The following SLC14A2 variants were observed in gnomAD, a reference collection of about 807,000 sequenced individuals.
The protein encoded by SLC14A2 is urea transporter 2.
Under a neutral mutation model 104.6 loss-of-function variants are expected in SLC14A2, and 91 were observed. That is an observed-to-expected ratio of 0.87 (90% CI 0.73 to 1.04). The LOEUF (loss-of-function observed/expected upper bound fraction) is 1.04, where lower values mean the gene tolerates loss of function less well. Ranked by LOEUF, SLC14A2 falls within the 50% of genes least tolerant of loss-of-function variation. The probability of loss-of-function intolerance (pLI) is 0.00; values close to 1 mark genes in which losing one functional copy is unlikely to be tolerated. For missense variants in SLC14A2, 1,189 were observed against 1,156.0 expected, an observed-to-expected ratio of 1.03 and a Z score of -0.41; for synonymous variants, 476 against 466.4, an observed-to-expected ratio of 1.02 and a Z score of -0.27.
intron 1 of SLC14A2, among the ~76,000 whole-genome samples, chr18:45,343,016 C>T (rs1241913815): frequency 6.6e-6 from 1 of 152,136 alleles, no homozygotes; most frequent in African/African-American, 2.4e-5. Context: ...TCTCCAAAAC[C>T]CTGATGAGTT....
chr18:45,435,953 G>C (rs191101383), intron 1 of SLC14A2, among the ~76,000 whole-genome samples: 2 of 152,186 alleles, frequency 1.3e-5, no homozygotes, highest in Non-Finnish European at 2.9e-5. Context: ...CAATCAAAGA[G>C]CACAGGACAG....
At position 45,380,797 on chromosome 18, in the gene SLC14A2, T is replaced by C. The variant is rs1163090748; in HGVS notation, c.-124-102436T>C. On this transcript the variant is annotated intron_variant, in intron 1 of 20. Transcript: ENST00000586448. Reference sequence around the variant, plus strand: ...TGCGAGTGCCAGACCAGCTTTTGGATATTAGAAGTTGCTCTTTTCTCTTTC... The same window carrying C: ...TGCGAGTGCCAGACCAGCTTTTGGACATTAGAAGTTGCTCTTTTCTCTTTC... Among the ~76,000 whole-genome samples, 3 of 152,224 alleles carry C rather than the reference T, an allele frequency of 2.0e-5. No individual in the cohort carries two copies. The East Asian group carries it at 5.8e-4, about 29-fold the overall frequency.
intron 1 of SLC14A2, among the ~76,000 whole-genome samples, chr18:45,478,598 A>G (rs2087430555): frequency 6.6e-6 from 1 of 152,152 alleles, no homozygotes; most frequent in Non-Finnish European, 1.5e-5. Context: ...ATTCTGGCTC[A>G]TATTTGACTG....
chr18:45,577,574 A>G (rs2044433783), intron 2 of SLC14A2, among the ~76,000 whole-genome samples: 1 of 152,124 alleles, frequency 6.6e-6, no homozygotes, highest in Non-Finnish European at 1.5e-5. Flanking sequence ...GAAGCCTTTG[A>G]CTCAAAAGGT....
At chr18:45,556,520 G>A (rs954498282) in intron 2 of SLC14A2, among the ~76,000 whole-genome samples, 7 of 152,084 alleles carry the variant, frequency 4.6e-5, no homozygotes, top group Non-Finnish European at 8.8e-5. Flanking sequence ...CTGGGTTCTC[G>A]GCCTACTTCA....
intron 1 of SLC14A2, among the ~76,000 whole-genome samples, chr18:45,230,126 T>C (rs1353756377): frequency 6.6e-6 from 1 of 152,248 alleles, no homozygotes; most frequent in African/African-American, 2.4e-5. Context: ...ATCCCACTCT[T>C]GCAGAGTTAC....
At chr18:45,432,142 C>G (rs759485095) in intron 1 of SLC14A2, among the ~76,000 whole-genome samples, 2 of 152,116 alleles carry the variant, frequency 1.3e-5, no homozygotes, top group Non-Finnish European at 2.9e-5. Context: ...AGCCATTAAC[C>G]TCCTACTATT....
At chr18:45,208,506 A>T (rs1391040252), upstream of SLC14A2, among the ~76,000 whole-genome samples, 2 of 152,210 alleles carry the variant, frequency 1.3e-5, no homozygotes, top group African/African-American at 2.4e-5. Context: ...CAATATGTTG[A>T]GAAACACACC....
intron 2 of SLC14A2, among the ~76,000 whole-genome samples, chr18:45,610,314 G>GCAGAAAGAGCATAGA (rs2044951561): frequency 6.6e-6 from 1 of 152,200 alleles, no homozygotes. Flanking sequence ...TAAAATGTGT[G>GCAGAAAGAGCATAGA]CAGAAAGAGC....
intron 1 of SLC14A2, among the ~76,000 whole-genome samples, chr18:45,329,068 A>G (rs2085264422): frequency 6.6e-6 from 1 of 152,192 alleles, no homozygotes. Context: ...GGAGCATTCA[A>G]AGTGAAAGAA....
chr18:45,489,375 G>A (rs1320124368), intron 2 of SLC14A2, among the ~76,000 whole-genome samples: 1 of 152,092 alleles, frequency 6.6e-6, no homozygotes, highest in South Asian at 2.1e-4. Flanking sequence ...TCTAGGTGTG[G>A]TGGTGTGCTC....
intron 16 of SLC14A2, among the ~76,000 whole-genome samples, chr18:45,671,043 T>C (rs1468763666): frequency 6.6e-6 from 1 of 152,206 alleles, no homozygotes; most frequent in Non-Finnish European, 1.5e-5. Flanking sequence ...GAAAAGGTGC[T>C]GTGCTGGCAG....
intron 1 of SLC14A2, among the ~76,000 whole-genome samples, chr18:45,344,139 A>G (rs1568160265): frequency 6.6e-6 from 1 of 151,802 alleles, no homozygotes; most frequent in Non-Finnish European, 1.5e-5. Context: ...CACTCCTACT[A>G]TGCCCCATAG....
chr18:45,183,901 T>C, the SLC14A2 span, among the ~76,000 whole-genome samples: 1 of 137,944 alleles, frequency 7.2e-6, no homozygotes, highest in Non-Finnish European at 1.5e-5. Flanking sequence ...CTGGCTAATT[T>C]TCTAATTTTT....
intron 1 of SLC14A2, among the ~76,000 whole-genome samples, chr18:45,475,619 GATATATATATATATATATTTAGGAT>G (rs1336879859): frequency 6.7e-3 from 458 of 67,896 alleles, no homozygotes; most frequent in Admixed American, 0.011. Flanking sequence ...ATATATTTAG[GATATATATATATATATATTTAGGAT>G]ATATATATAT....
At chr18:45,600,813 T>C (rs941798298) in intron 2 of SLC14A2, among the ~76,000 whole-genome samples, 4 of 152,202 alleles carry the variant, frequency 2.6e-5, no homozygotes, top group Admixed American at 6.5e-5. Flanking sequence ...ATTCAAGCTT[T>C]TAAATAATTG....
chr18:45,187,944 AT>A, the SLC14A2 span, among the ~76,000 whole-genome samples: 4 of 151,790 alleles, frequency 2.6e-5, no homozygotes, highest in Non-Finnish European at 2.9e-5. Flanking sequence ...AGTAGGTTCC[AT>A]TTTTTTTCTA....
chr18:45,202,908 G>A, the SLC14A2 span, among the ~76,000 whole-genome samples: 1 of 152,048 alleles, frequency 6.6e-6, no homozygotes, highest in Admixed American at 6.6e-5. Flanking sequence ...TCTCAGTAAT[G>A]TGTAAAGAAA....
chr18:45,299,216 G>A (rs921533792), intron 1 of SLC14A2, among the ~76,000 whole-genome samples: 1 of 152,196 alleles, frequency 6.6e-6, no homozygotes, highest in African/African-American at 2.4e-5. Flanking sequence ...GCTGTCCCTG[G>A]TAAATGAGAA....
Sources: gnomAD v4.1 joint callset for allele counts (sites outside exome capture counted in the v4.1 genomes callset) on GRCh38, gnomAD v4.1.1 for gene constraint, MANE v1.5 for transcripts, NCBI Gene and HGNC (gene_info 2026-07-23, HGNC 2026-07-21) for gene names.